NKAIN2: variants seen among roughly 807,000 people sequenced by gnomAD.
The protein encoded by NKAIN2 is sodium/potassium transporting ATPase interacting 2.
Under a neutral mutation model 32.6 loss-of-function variants are expected in NKAIN2, and 14 were observed. That is an observed-to-expected ratio of 0.43 (90% CI 0.28 to 0.67). NKAIN2 has a LOEUF of 0.67. Ranked by LOEUF, NKAIN2 falls within the 30% of genes least tolerant of loss-of-function variation. The probability of loss-of-function intolerance (pLI) is 0.17; values close to 1 mark genes in which losing one functional copy is unlikely to be tolerated. For missense variants in NKAIN2, 198 were observed against 258.3 expected (o/e 0.77, Z 1.60); for synonymous variants, 80 against 87.2 (o/e 0.92, Z 0.46).
At chr6:124,756,327 C>A (rs1777963480) in intron 4 of NKAIN2, among the ~76,000 whole-genome samples, 1 of 151,996 alleles carries the variant, frequency 6.6e-6, no homozygotes, top group African/African-American at 2.4e-5. Flanking sequence ...TCGACACTGG[C>A]CTTTTTAGAC....
chr6:124,638,890 A>C (rs1274984691), intron 3 of NKAIN2, among the ~76,000 whole-genome samples: 5 of 149,196 alleles, frequency 3.4e-5, no homozygotes, highest in Admixed American at 6.7e-5. Context: ...ACTCTGTCAA[A>C]AAAAAAAAAA....
intron 1 of NKAIN2, among the ~76,000 whole-genome samples, chr6:123,816,933 G>T (rs2114877311): frequency 6.6e-6 from 1 of 152,242 alleles, no homozygotes; most frequent in Admixed American, 6.5e-5. Flanking sequence ...AATCATCATT[G>T]TACATTTTGG....
intron 1 of NKAIN2, among the ~76,000 whole-genome samples, chr6:124,136,473 G>A (rs1786793415): frequency 6.6e-6 from 1 of 152,002 alleles, no homozygotes; most frequent in Non-Finnish European, 1.5e-5. Context: ...TCCAAAAGAT[G>A]GGGATAGAAG....
chr6:124,114,636 T>G lies in NKAIN2; in HGVS notation c.55-168369T>G, dbSNP rs145143290. The stretch of plus-strand genomic sequence containing the variant: ...AACTAAGCCCTGGACTCCTCCATAA[T>G]TGGACCCATTAAAAGAAACCAGAAA... On this transcript the variant is annotated intron_variant, in intron 1 of 6. Coordinates refer to ENST00000368417, the MANE Select transcript of NKAIN2 (RefSeq NM_001040214.3). Among the ~76,000 whole-genome samples the G allele has an allele frequency of 9.5e-3, 1,439 of 152,174 alleles. 13 individuals are homozygous for G. Among genetic ancestry groups the G allele is most frequent in the Non-Finnish European group, 0.015 (1,027 of 67,992 alleles).
At chr6:123,984,823 G>A (rs557053614) in intron 1 of NKAIN2, among the ~76,000 whole-genome samples, 4 of 152,034 alleles carry the variant, frequency 2.6e-5, no homozygotes, top group Non-Finnish European at 4.4e-5. Context: ...GTTGAGACAT[G>A]TATTGATTAA....
At chr6:124,240,889 T>G (rs1582907451) in intron 1 of NKAIN2, among the ~76,000 whole-genome samples, 1 of 152,000 alleles carries the variant, frequency 6.6e-6, no homozygotes, top group Non-Finnish European at 1.5e-5. Flanking sequence ...AAGTTCTGGC[T>G]GGGGTAATCA....
intron 1 of NKAIN2, among the ~76,000 whole-genome samples, chr6:123,946,589 G>T (rs958464014): frequency 5.3e-5 from 8 of 152,032 alleles, no homozygotes; most frequent in African/African-American, 1.9e-4. Context: ...ATCATTGATT[G>T]TATTACACAA....
intron 1 of NKAIN2, among the ~76,000 whole-genome samples, chr6:124,180,460 C>T (rs778358632): frequency 2.6e-5 from 4 of 152,082 alleles, no homozygotes; most frequent in Non-Finnish European, 5.9e-5. Context: ...CAATTACCTC[C>T]CACCAGTTCC....
chr6:123,865,768 T>A (rs1440046284), intron 1 of NKAIN2, among the ~76,000 whole-genome samples: 1 of 152,104 alleles, frequency 6.6e-6, no homozygotes. Flanking sequence ...AAATCAATGG[T>A]GGTTGGAACA....
rs1784091920 is a variant in NKAIN2, at chr6:124,084,126, A to T, written c.55-198879A>T. On this transcript the variant is annotated intron_variant, in intron 1 of 6. Coordinates refer to ENST00000368417, the MANE Select transcript of NKAIN2 (RefSeq NM_001040214.3). The stretch of plus-strand genomic sequence containing the variant: ...AGTAACTTGGTGAGCATTTCCCCAT[A>T]CAAGAGAGGGAAAATAAGGAACAGA... Among the ~76,000 whole-genome samples the T allele has an allele frequency of 1.3e-5, 2 of 151,960 alleles. 1 individual carries two copies. Among genetic ancestry groups the T allele is most frequent in the South Asian group, 4.1e-4 (2 of 4,830 alleles).
chr6:124,603,427 A>C (rs1405404041), intron 3 of NKAIN2, among the ~76,000 whole-genome samples: 1 of 151,958 alleles, frequency 6.6e-6, no homozygotes, highest in Non-Finnish European at 1.5e-5. Context: ...TTAGTTAACA[A>C]GTTTCAGTTC....
intron 4 of NKAIN2, among the ~76,000 whole-genome samples, chr6:124,679,966 G>T (rs1773538093): frequency 6.6e-6 from 1 of 152,074 alleles, no homozygotes; most frequent in African/African-American, 2.4e-5. Context: ...AAAGATAACA[G>T]AAACCACTGT....
intron 1 of NKAIN2, among the ~76,000 whole-genome samples, chr6:123,904,141 G>A (rs888639043): frequency 2.6e-5 from 4 of 151,812 alleles, no homozygotes; most frequent in Admixed American, 6.6e-5. Context: ...TGAGGCAGGC[G>A]AATTGCTTGA....
At chr6:123,993,481 T>A (rs938718618) in intron 1 of NKAIN2, among the ~76,000 whole-genome samples, 1 of 152,196 alleles carries the variant, frequency 6.6e-6, no homozygotes, top group African/African-American at 2.4e-5. Context: ...TCAAGATACA[T>A]ATGGGCATAA....
intron 1 of NKAIN2, among the ~76,000 whole-genome samples, chr6:123,945,139 C>G (rs1239252386): frequency 2.6e-5 from 4 of 152,044 alleles, no homozygotes; most frequent in Non-Finnish European, 4.4e-5. Context: ...TTCTTCCCTA[C>G]TTATTAATAA....
chr6:123,859,619 CCT>C (rs756992907), intron 1 of NKAIN2, among the ~76,000 whole-genome samples: 1 of 152,184 alleles, frequency 6.6e-6, no homozygotes, highest in Non-Finnish European at 1.5e-5. Flanking sequence ...TTATCTACCC[CCT>C]GTTTCATCTG....
chr6:124,511,253 T>G (rs1387716510), intron 3 of NKAIN2, among the ~76,000 whole-genome samples: 1 of 152,166 alleles, frequency 6.6e-6, no homozygotes, highest in Non-Finnish European at 1.5e-5. Flanking sequence ...AAATGCAGCT[T>G]TAGATCAAAT....
chr6:124,437,168 A>G (rs951588081), intron 3 of NKAIN2, among the ~76,000 whole-genome samples: 1 of 152,128 alleles, frequency 6.6e-6, no homozygotes, highest in Non-Finnish European at 1.5e-5. Context: ...TTTTTTCCAT[A>G]ACACTTAACA....
At chr6:124,692,660 C>CA (rs1368260344) in intron 4 of NKAIN2, among the ~76,000 whole-genome samples, 1 of 151,800 alleles carries the variant, frequency 6.6e-6, no homozygotes, top group African/African-American at 2.4e-5. Context: ...ACTAAAAATA[C>CA]AAAAAATTAG....
Sources: gnomAD v4.1 joint callset for allele counts (sites outside exome capture counted in the v4.1 genomes callset) on GRCh38, gnomAD v4.1.1 for gene constraint, MANE v1.5 for transcripts, NCBI Gene and HGNC (gene_info 2026-07-23, HGNC 2026-07-21) for gene names.